The following AFF2 variants were observed in gnomAD, a reference collection of about 807,000 sequenced individuals.
AFF2 encodes ALF transcription elongation factor 2.
In AFF2, 14 loss-of-function variants were observed where a neutral mutation model predicts 76.9. The observed-to-expected ratio is 0.18, with a 90% confidence interval of 0.12 to 0.28. AFF2 has a LOEUF of 0.28. AFF2 is among the 10% of genes least tolerant of loss of function. The probability of loss-of-function intolerance (pLI) is 1.00; values close to 1 mark genes in which losing one functional copy is unlikely to be tolerated. For missense variants in AFF2, 868 were observed against 1,001.1 expected (o/e 0.87, Z 1.79); for synonymous variants, 398 against 366.7 (o/e 1.09, Z -0.98).
At chrX:148,776,406 C>G (rs1209570045) in intron 3 of AFF2, among the ~76,000 whole-genome samples, 2 of 111,996 alleles carry the variant, frequency 1.8e-5, no homozygotes, top group African/African-American at 6.5e-5. Flanking sequence ...AATGGTATTT[C>G]TGGTTCTAGA....
intron 1 of AFF2, among the ~76,000 whole-genome samples, chrX:148,579,014 T>A (rs2053322943): frequency 9.0e-6 from 1 of 111,540 alleles, no homozygotes; most frequent in Non-Finnish European, 1.9e-5. Context: ...CAGTTGCAGA[T>A]TTTGTTTCTA....
chrX:148,958,199 C>A, intron 11 of AFF2, 138 bp from the exon 12 acceptor site: 1 of 850,619 alleles, frequency 1.2e-6, no homozygotes, highest in Non-Finnish European at 1.6e-6. Flanking sequence ...ATCAAAGGTG[C>A]ACATTTAACT....
At chrX:148,760,326 C>T (rs1478817880) in intron 3 of AFF2, among the ~76,000 whole-genome samples, 1 of 111,953 alleles carries the variant, frequency 8.9e-6, no homozygotes, top group Non-Finnish European at 1.9e-5. Context: ...CTTAAAAAGC[C>T]AGACTGGAGT....
intron 3 of AFF2, among the ~76,000 whole-genome samples, chrX:148,696,624 A>C (rs1191822573): frequency 6.3e-5 from 7 of 111,424 alleles, no homozygotes; most frequent in Non-Finnish European, 1.3e-4. Context: ...AGTTATCCAA[A>C]GGGAAATGGA....
rs1450896479 is a variant in AFF2 at position 148,828,006 on chromosome X, C to T, written c.1087-9641C>T. ...GCTGTGAGGATATAGCATGTCATTC[C>T]ATCTTTTGAAGTGACTGTGAAAGGA... On this transcript the variant is annotated intron_variant, in intron 4 of 20. Coordinates refer to ENST00000370460, the MANE Select transcript of AFF2 (RefSeq NM_002025.4). 8.7e-5 allele frequency among the ~76,000 whole-genome samples: 8 copies of T among 92,370 alleles called. No homozygotes were observed. In the Admixed American group the frequency reaches 1.1e-3, roughly 13 times the overall value. The allele number at this position is 92,370 out of a possible 115,157, so 80.2% of individuals were successfully genotyped here.
chrX:148,754,397 T>C (rs73638188), intron 3 of AFF2, among the ~76,000 whole-genome samples: 3,282 of 110,460 alleles, frequency 0.03, 128 homozygotes, highest in African/African-American at 0.1. Flanking sequence ...TTTTTTTTTT[T>C]CTCTGGGAAA....
intron 3 of AFF2, among the ~76,000 whole-genome samples, chrX:148,756,390 AAAGAC>A (rs2055561243): frequency 8.9e-6 from 1 of 112,400 alleles, no homozygotes; most frequent in African/African-American, 3.2e-5. Context: ...ATCTCATATG[AAAGAC>A]TTAACTGTGC....
At position 148,955,791 on chromosome X, in the gene AFF2, A is replaced by G; in HGVS notation, c.1746A>G (p.Glu582=). 1 of 1,211,592 alleles carries G rather than the reference A, an allele frequency of 8.3e-7. No homozygotes were observed. The highest frequency in any genetic ancestry group is 3.0e-5 in the East Asian group (1 of 33,853). ...CGAATGCCAGTCAGGTCCCAGCTGA[A>G]CCCAAAGAAAGGCCTCTCCTCAGTC... ...VKTNASQVPA[E]PKERPLLSLI... Residue 582 remains glutamate (E), a synonymous_variant, in exon 11 of 21, where the codon GAA becomes GAG. Coordinates refer to ENST00000370460, the MANE Select transcript of AFF2 (RefSeq NM_002025.4).
Position 148,662,325 on chromosome X carries a change from C to G in AFF2, c.598C>G (p.Pro200Ala), listed in dbSNP as rs1557257878. Residue 200 changes from proline to alanine, a missense_variant, in exon 3 of 21, where the codon CCA becomes GCA. Physicochemically the swap from Pro to Ala is conservative, Grantham distance 27. Coordinates refer to ENST00000370460, the MANE Select transcript of AFF2 (RefSeq NM_002025.4). ...QAKLEDFFVY[P>A]AEQPQIGEVE... ...CAAACTGGAAGACTTCTTTGTCTAC[C>G]CAGCTGAACAGCCCCAGATTGGAGA... The G allele has an allele frequency of 8.3e-7, 1 of 1,210,126 alleles. No homozygotes were observed. Among genetic ancestry groups the G allele is most frequent in the African/African-American group, 1.7e-5 (1 of 57,201 alleles).
At chrX:148,630,628 G>A (rs183033632) in intron 1 of AFF2, among the ~76,000 whole-genome samples, 21 of 111,587 alleles carry the variant, frequency 1.9e-4, no homozygotes, top group African/African-American at 6.8e-4. Context: ...TCTTGCAGAC[G>A]AATGTCCTCT....
At chrX:148,783,801 A>G (rs1015854498) in intron 3 of AFF2, among the ~76,000 whole-genome samples, 12 of 111,905 alleles carry the variant, frequency 1.1e-4, no homozygotes, top group Non-Finnish European at 5.6e-5. Flanking sequence ...ATGAGGGCAG[A>G]CTTGCAGAAG....
At chrX:148,839,243 C>A (rs782411163) in intron 5 of AFF2, among the ~76,000 whole-genome samples, 16 of 112,263 alleles carry the variant, frequency 1.4e-4, no homozygotes, top group Non-Finnish European at 3.8e-5. Flanking sequence ...AACCCCATGA[C>A]AAAGGTAGAA....
intron 3 of AFF2, among the ~76,000 whole-genome samples, chrX:148,766,856 C>A (rs1474192177): frequency 1.8e-5 from 2 of 111,825 alleles, no homozygotes; most frequent in Non-Finnish European, 3.8e-5. Context: ...TCAAAATTTC[C>A]CAGTACTCAG....
intron 3 of AFF2, among the ~76,000 whole-genome samples, chrX:148,757,362 A>G (rs917370431): frequency 1.8e-5 from 2 of 111,822 alleles, no homozygotes; most frequent in African/African-American, 6.5e-5. Flanking sequence ...GGAACAAGAA[A>G]AAAGTTATCA....
chrX:148,908,672 C>T (rs372092087), intron 9 of AFF2, among the ~76,000 whole-genome samples: 16 of 111,795 alleles, frequency 1.4e-4, no homozygotes, highest in African/African-American at 3.9e-4. Context: ...AGAGGCCCAG[C>T]GGCATCATTT....
intron 1 of AFF2, among the ~76,000 whole-genome samples, chrX:148,599,485 A>G (rs1366003992): frequency 9.0e-6 from 1 of 110,854 alleles, no homozygotes; most frequent in Non-Finnish European, 1.9e-5. Context: ...TCTCTACCAT[A>G]GAGAAGCAGT....
At chrX:148,872,930 C>T (rs1557277517) in intron 7 of AFF2, among the ~76,000 whole-genome samples, 1 of 111,822 alleles carries the variant, frequency 8.9e-6, no homozygotes, top group Non-Finnish European at 1.9e-5. Flanking sequence ...AGAGTTTCAA[C>T]TCTATATGAC....
chrX:148,851,570 A>G (rs1442695422), intron 7 of AFF2, among the ~76,000 whole-genome samples: 1 of 111,447 alleles, frequency 9.0e-6, no homozygotes, highest in African/African-American at 3.3e-5. Flanking sequence ...GAGAGCAATA[A>G]GTGAGAGAAA....
At chrX:148,538,037 C>T (rs1262950520) in intron 1 of AFF2, among the ~76,000 whole-genome samples, 2 of 112,493 alleles carry the variant, frequency 1.8e-5, no homozygotes, top group African/African-American at 6.5e-5. Flanking sequence ...CATCCTTCCC[C>T]TCCCCTCAAG....
Sources: allele counts gnomAD v4.1 joint callset (sites outside exome capture counted in the v4.1 genomes callset), GRCh38; gene constraint gnomAD v4.1.1; transcripts MANE v1.5; gene names NCBI Gene and HGNC (gene_info 2026-07-23, HGNC 2026-07-21).